Variants in CELF1 observed in about 807,000 individuals in gnomAD.
The protein encoded by CELF1 is 50 kDa nuclear polyadenylated RNA-binding protein.
A neutral mutation model predicts 61.8 loss-of-function variants in CELF1; 10 were observed. The observed-to-expected ratio is 0.16, with a 90% CI of 0.10 to 0.27. The LOEUF is 0.27. CELF1 is among the 10% of genes least tolerant of loss of function. The probability of loss-of-function intolerance (pLI) is 1.00; values close to 1 mark genes in which losing one functional copy is unlikely to be tolerated. For missense variants in CELF1, 380 were observed against 639.1 expected (o/e 0.59, Z 4.37); for synonymous variants, 236 against 225.1 (o/e 1.05, Z -0.43).
In CELF1 at chr11:47,490,865, C is replaced by CT. The variant is rs753432504; in HGVS notation, c.72-1842dup. Among the ~76,000 whole-genome samples the CT allele has an allele frequency of 6.5e-3, 925 of 141,322 alleles. 3 individuals carry two copies. The highest frequency in any genetic ancestry group is 0.01 in the African/African-American group (406 of 38,782). The allele number at this position is 141,322 out of a possible 152,430, so 92.7% of individuals were successfully genotyped here. On this transcript the variant is annotated intron_variant, in intron 3 of 14. Transcript: ENST00000687097. ...CTTTTAATTACTATATATTTTCTTT[C>CT]TTTTTTTTTTTTTTGAAATGGAGTC...
chr11:47,528,828 C>T (rs2096358740), intron 1 of CELF1, among the ~76,000 whole-genome samples: 2 of 151,708 alleles, frequency 1.3e-5, no homozygotes, highest in Non-Finnish European at 2.9e-5. Flanking sequence ...GAGTTCAAGG[C>T]TGCAGTGAGC....
chr11:47,557,163 G>A (rs536573393), upstream of CELF1, among the ~76,000 whole-genome samples: 10 of 151,926 alleles, frequency 6.6e-5, no homozygotes, highest in Non-Finnish European at 1.5e-4. Context: ...GCCTCGCAAA[G>A]TGCCGGGAGC....
chr11:47,489,860 T>C (rs2090090454), intron 3 of CELF1, among the ~76,000 whole-genome samples: 2 of 151,376 alleles, frequency 1.3e-5, no homozygotes, highest in Admixed American at 1.3e-4. Flanking sequence ...AATACCTTCA[T>C]TCCTATCTTG....
chr11:47,549,906 T>TC (rs2153765792), intron 1 of CELF1, among the ~76,000 whole-genome samples: 1 of 151,138 alleles, frequency 6.6e-6, no homozygotes, highest in South Asian at 2.1e-4. Flanking sequence ...AACCTCCACC[T>TC]CCTGGGCTCA....
intron 9 of CELF1, among the ~76,000 whole-genome samples, chr11:47,481,848 T>G (rs1596320584): frequency 6.6e-6 from 1 of 152,232 alleles, no homozygotes; most frequent in East Asian, 1.9e-4. Flanking sequence ...AGGAAGTCTA[T>G]TTACAATGTA....
intron 9 of CELF1, among the ~76,000 whole-genome samples, chr11:47,480,227 C>A (rs1056828014): frequency 6.6e-6 from 1 of 152,036 alleles, no homozygotes. Flanking sequence ...GCTGGGACCA[C>A]AGGTGTGTAC....
At chr11:47,548,182 C>T (rs897482410) in intron 1 of CELF1, among the ~76,000 whole-genome samples, 2 of 151,842 alleles carry the variant, frequency 1.3e-5, no homozygotes, top group African/African-American at 4.8e-5. Context: ...ACCTGTAATC[C>T]CAGCTACTCG....
intron 1 of CELF1, among the ~76,000 whole-genome samples, chr11:47,501,206 C>A (rs2093850315): frequency 6.6e-6 from 1 of 152,194 alleles, no homozygotes; most frequent in Admixed American, 6.5e-5. Context: ...ACTATAGAGG[C>A]AGAAGTGGCA....
At chr11:47,534,022 C>CCT (rs2096563844) in intron 1 of CELF1, among the ~76,000 whole-genome samples, 1 of 87,584 alleles carries the variant, frequency 1.1e-5, no homozygotes. Context: ...TTTTTCTTTC[C>CCT]TTTTTTTTTT....
At chr11:47,556,517 C>T (rs1443906990), upstream of CELF1, among the ~76,000 whole-genome samples, 1 of 152,062 alleles carries the variant, frequency 6.6e-6, no homozygotes, top group African/African-American at 2.4e-5. Context: ...AAATTTGATA[C>T]AAAATGAGAT....
intron 1 of CELF1, among the ~76,000 whole-genome samples, chr11:47,515,158 T>C (rs1034490402): frequency 1.3e-5 from 2 of 152,268 alleles, no homozygotes; most frequent in African/African-American, 4.8e-5. Flanking sequence ...CTACCTATCA[T>C]TGCAGTTTGA....
intron 1 of CELF1, among the ~76,000 whole-genome samples, chr11:47,503,907 C>T (rs926634128): frequency 6.6e-5 from 10 of 152,188 alleles, no homozygotes; most frequent in African/African-American, 2.4e-4. Context: ...AGAACACAGG[C>T]TTCACGCCTA....
chr11:47,539,775 G>A (rs192842367), intron 1 of CELF1, among the ~76,000 whole-genome samples: 3 of 152,304 alleles, frequency 2.0e-5, no homozygotes, highest in African/African-American at 4.8e-5. Flanking sequence ...CTCTGCATGT[G>A]GATGGCTGCC....
intron 1 of CELF1, among the ~76,000 whole-genome samples, chr11:47,532,886 CT>C (rs1337306416): frequency 6.6e-6 from 1 of 152,216 alleles, no homozygotes; most frequent in East Asian, 1.9e-4. Flanking sequence ...TTTAAACTTT[CT>C]TTTCTATTTC....
At chr11:47,547,817 G>A (rs988561030) in intron 1 of CELF1, among the ~76,000 whole-genome samples, 2 of 151,866 alleles carry the variant, frequency 1.3e-5, no homozygotes, top group Admixed American at 1.3e-4. Context: ...GAAATATCTA[G>A]AATAAGAAAA....
intron 2 of CELF1, among the ~76,000 whole-genome samples, chr11:47,500,600 C>G (rs1042632985): frequency 2.0e-5 from 3 of 152,184 alleles, no homozygotes; most frequent in African/African-American, 7.2e-5. Context: ...TCTCTTCATT[C>G]TCTTTTTCCT....
intron 1 of CELF1, among the ~76,000 whole-genome samples, chr11:47,509,084 T>G (rs141310104): frequency 6.6e-6 from 1 of 152,338 alleles, no homozygotes; most frequent in East Asian, 1.9e-4. Flanking sequence ...AAAAGTTATA[T>G]TTTTTTAAAG....
At chr11:47,486,984 G>C (rs1170292905) in intron 5 of CELF1, among the ~76,000 whole-genome samples, 175 bp downstream of exon 5, 1 of 152,212 alleles carries the variant, frequency 6.6e-6, no homozygotes. Flanking sequence ...TCTTGACTGA[G>C]AGAGAACTAA....
At chr11:47,558,597 T>C (rs1219787491) in intron 2 of CELF1, among the ~76,000 whole-genome samples, 7 of 111,978 alleles carry the variant, frequency 6.3e-5, no homozygotes, top group Admixed American at 1.2e-4. Context: ...ATTTATATTA[T>C]ATATGTATAA....
Sources: gnomAD v4.1 joint callset for allele counts (sites outside exome capture counted in the v4.1 genomes callset) on GRCh38, gnomAD v4.1.1 for gene constraint, MANE v1.5 for transcripts, NCBI Gene and HGNC (gene_info 2026-07-23, HGNC 2026-07-21) for gene names.